The following SRGAP3 variants were observed in gnomAD, a reference collection of about 807,000 sequenced individuals.
The protein encoded by SRGAP3 is SLIT-ROBO Rho GTPase activating protein 3, also known as SLIT-ROBO Rho GTPase-activating protein 3.
Under a neutral mutation model 121.1 loss-of-function variants are expected in SRGAP3, and 39 were observed. That is an observed-to-expected ratio of 0.32 (90% CI 0.25 to 0.42). SRGAP3 has a LOEUF of 0.42. Ranked by LOEUF, SRGAP3 falls within the 10% of genes least tolerant of loss-of-function variation. The pLI, the probability that SRGAP3 is intolerant of heterozygous loss-of-function variation, is 1.00. For missense variants in SRGAP3, 1,213 were observed against 1,470.6 expected (o/e 0.82, Z 2.86); for synonymous variants, 601 against 570.0 (o/e 1.05, Z -0.77).
chr3:9,198,226 T>C (rs757642238), intron 1 of SRGAP3, among the ~76,000 whole-genome samples: 5 of 152,228 alleles, frequency 3.3e-5, no homozygotes, highest in Non-Finnish European at 7.3e-5. Context: ...AAGTTGAACA[T>C]TCTTTATATG....
chr3:9,172,258 T>A (rs745798700), intron 1 of SRGAP3, among the ~76,000 whole-genome samples: 18 of 151,822 alleles, frequency 1.2e-4, no homozygotes, highest in Non-Finnish European at 2.9e-5. Context: ...CATGCCCAGC[T>A]AATGGCTAAT....
At chr3:9,183,834 T>G (rs966442980) in intron 1 of SRGAP3, among the ~76,000 whole-genome samples, 5 of 151,732 alleles carry the variant, frequency 3.3e-5, no homozygotes, top group African/African-American at 1.2e-4. Context: ...TCAGTCTCCC[T>G]AGCCTTAACC....
chr3:9,060,456 T>C (rs1186044597), intron 5 of SRGAP3, 97 bp from the exon 6 acceptor site: 36 of 1,128,268 alleles, frequency 3.2e-5, no homozygotes, highest in Non-Finnish European at 4.4e-5. Context: ...AGACAGGGTG[T>C]TGCTCTGTCA....
chr3:9,208,855 A>AT (rs1952350141), intron 1 of SRGAP3, among the ~76,000 whole-genome samples: 1 of 152,234 alleles, frequency 6.6e-6, no homozygotes, highest in African/African-American at 2.4e-5. Context: ...AGAACTGCCT[A>AT]TCTCCAGCGT....
chr3:9,023,574 C>T (rs546667081), intron 14 of SRGAP3, among the ~76,000 whole-genome samples: 9 of 152,306 alleles, frequency 5.9e-5, no homozygotes, highest in African/African-American at 1.9e-4. Flanking sequence ...GCTAGGGCCT[C>T]CTATGCTCCC....
At chr3:9,146,383 G>C (rs1185221649) in intron 1 of SRGAP3, among the ~76,000 whole-genome samples, 1 of 152,196 alleles carries the variant, frequency 6.6e-6, no homozygotes, top group Non-Finnish European at 1.5e-5. Context: ...ATGTGAAGCT[G>C]CTGCTATAAT....
chr3:9,173,653 TCA>T, intron 1 of SRGAP3, among the ~76,000 whole-genome samples: 1 of 152,016 alleles, frequency 6.6e-6, no homozygotes, highest in East Asian at 1.9e-4. Context: ...TCCAGTGGCT[TCA>T]CACATGTTGT....
chr3:9,014,101 G>C, intron 15 of SRGAP3: 1 of 527,324 alleles, frequency 1.9e-6, no homozygotes, highest in Non-Finnish European at 3.5e-6. Context: ...AACCCACAGG[G>C]AGATGCCCTC....
At chr3:9,354,407 C>T (rs771180839) in intron 1 of SRGAP3, among the ~76,000 whole-genome samples, 12 of 152,008 alleles carry the variant, frequency 7.9e-5, no homozygotes, top group South Asian at 4.1e-4. Flanking sequence ...AGGCCGGGCG[C>T]GGTGGCTCAT....
chr3:9,048,512 T>C (rs1215341663), intron 9 of SRGAP3, among the ~76,000 whole-genome samples: 1 of 152,078 alleles, frequency 6.6e-6, no homozygotes, highest in East Asian at 1.9e-4. Context: ...CAGGCGGTGG[T>C]GAATGCTACG....
In SRGAP3 at chr3:9,265,966, C is replaced by G. The variant is rs879083656; in HGVS notation, n.442+60044G>C. On this transcript the variant is annotated intron_variant and non_coding_transcript_variant, in intron 3 of 3. Coordinates refer to the SRGAP3 transcript ENST00000490889. ...TATTCACGATAGCAAAGACTTGGAA[C>G]CAACCCAAATGCTCATCAATGATAG... Among the ~76,000 whole-genome samples the G allele has an allele frequency of 3.3e-5, 5 of 152,222 alleles. No individual in the cohort carries two copies. The East Asian group carries it at 7.7e-4, about 23-fold the overall frequency.
At chr3:9,287,896 CT>C (rs1954803021) in intron 3 of SRGAP3, among the ~76,000 whole-genome samples, 1 of 151,920 alleles carries the variant, frequency 6.6e-6, no homozygotes, top group Admixed American at 6.6e-5. Flanking sequence ...TCTTGATGTT[CT>C]GAAGTTTCAT....
intron 1 of SRGAP3, chr3:9,350,067 C>T (rs1294310140): frequency 6.6e-6 from 1 of 151,058 alleles, no homozygotes; most frequent in Non-Finnish European, 1.5e-5. Context: ...AAGGAGTGAT[C>T]TGTAAAAAAA....
At chr3:9,129,855 A>G (rs142828545) in intron 1 of SRGAP3, among the ~76,000 whole-genome samples, 8,857 of 151,412 alleles carry the variant, frequency 0.058, 873 homozygotes, top group African/African-American at 0.2. Flanking sequence ...TCCATCTCCC[A>G]GGTTCAAGGG....
chr3:9,116,949 C>T (rs1006775959), intron 2 of SRGAP3, among the ~76,000 whole-genome samples: 1 of 152,212 alleles, frequency 6.6e-6, no homozygotes, highest in African/African-American at 2.4e-5. Flanking sequence ...ACATCCAGTA[C>T]AGCACTTGGT....
At chr3:9,310,544 G>A (rs1430704152) in intron 3 of SRGAP3, among the ~76,000 whole-genome samples, 1 of 152,082 alleles carries the variant, frequency 6.6e-6, no homozygotes, top group Admixed American at 6.6e-5. Flanking sequence ...CTGGGAAGAG[G>A]TGCTTCTGCA....
chr3:9,233,437 A>C (rs886444366), intron 1 of SRGAP3, among the ~76,000 whole-genome samples: 1 of 152,082 alleles, frequency 6.6e-6, no homozygotes, highest in Non-Finnish European at 1.5e-5. Context: ...CCTGGCTTTA[A>C]TTTCACCTTA....
At chr3:9,320,962 A>T (rs533048344) in intron 3 of SRGAP3, among the ~76,000 whole-genome samples, 28 of 152,062 alleles carry the variant, frequency 1.8e-4, no homozygotes, top group African/African-American at 4.8e-4. Context: ...TTTAAAGTAG[A>T]ATCTAATTAC....
At chr3:9,294,827 T>C (rs1173743073) in intron 3 of SRGAP3, among the ~76,000 whole-genome samples, 3 of 151,892 alleles carry the variant, frequency 2.0e-5, no homozygotes, top group Admixed American at 6.6e-5. Context: ...ATCTCTTTAT[T>C]TGATGACCTG....
Sources: gnomAD v4.1 joint callset for allele counts (sites outside exome capture counted in the v4.1 genomes callset) on GRCh38, gnomAD v4.1.1 for gene constraint, MANE v1.5 for transcripts, NCBI Gene and HGNC (gene_info 2026-07-23, HGNC 2026-07-21) for gene names.